The following ARPP21 variants were observed in gnomAD, a reference collection of about 807,000 sequenced individuals.
ARPP21 encodes the protein cAMP-regulated phosphoprotein 21.
Under a neutral mutation model 113.2 loss-of-function variants are expected in ARPP21, and 69 were observed. The observed-to-expected ratio is 0.61, with a 90% CI of 0.50 to 0.74. The LOEUF is 0.74. Among genes scored for constraint, ARPP21 ranks in the 30% least tolerant of loss-of-function variants. The pLI is 0.00. For missense variants in ARPP21, 1,070 were observed against 1,037.4 expected (o/e 1.03, Z -0.43); for synonymous variants, 368 against 375.5 (o/e 0.98, Z 0.23).
intron 11 of ARPP21, among the ~76,000 whole-genome samples, chr3:35,714,147 G>T (rs1378110573): frequency 6.6e-6 from 1 of 152,042 alleles, no homozygotes; most frequent in Non-Finnish European, 1.5e-5. Context: ...TCTTTTAATT[G>T]TCTCTCTTTG....
intron 15 of ARPP21, among the ~76,000 whole-genome samples, chr3:35,734,176 T>G (rs1308475989): frequency 6.6e-6 from 1 of 152,206 alleles, no homozygotes; most frequent in Admixed American, 6.5e-5. Flanking sequence ...CCTGTCTCTC[T>G]GATTTTTTAA....
At chr3:35,773,030 T>A (rs1039925435) in intron 19 of ARPP21, among the ~76,000 whole-genome samples, 1 of 152,314 alleles carries the variant, frequency 6.6e-6, no homozygotes, top group South Asian at 2.1e-4. Flanking sequence ...GTTTTGGCCA[T>A]ATCTTGAGCA....
At position 35,721,737 on chromosome 3, in the gene ARPP21, C is replaced by T. The variant is rs748720293; in HGVS notation, c.1128C>T (p.Pro376=). 8.0e-5 allele frequency: 129 copies of T among 1,613,746 alleles called. No individual in the cohort carries two copies. Among genetic ancestry groups the T allele is most frequent in the East Asian group, 3.1e-4 (14 of 44,866 alleles). Residue 376 remains proline, a synonymous_variant, in exon 14 of 21, where the codon CCC becomes CCT. Coordinates refer to ENST00000684406, the MANE Select transcript of ARPP21 (RefSeq NM_001385562.1). Reference sequence around the variant, plus strand: ...ACAGTTCCAACCGCAATCTAAAGCCCGCCATGACCAAGACGGCGAGTTTTG... The same window carrying T: ...ACAGTTCCAACCGCAATCTAAAGCCTGCCATGACCAAGACGGCGAGTTTTG... ...DSDSSNRNLK[P]AMTKTASFGG...
intron 19 of ARPP21, among the ~76,000 whole-genome samples, chr3:35,755,058 T>A (rs2095527372): frequency 6.6e-6 from 1 of 151,996 alleles, no homozygotes; most frequent in Admixed American, 6.6e-5. Flanking sequence ...GGAGACAAAC[T>A]AAATAAAAAA....
chr3:35,731,087 T>C (rs1163396630), intron 15 of ARPP21, among the ~76,000 whole-genome samples: 1 of 152,214 alleles, frequency 6.6e-6, no homozygotes, highest in East Asian at 1.9e-4. Context: ...TCACTTTTAA[T>C]TGAGATAGAG....
chr3:35,792,451 G>A lies in ARPP21; in HGVS notation c.2207G>A (p.Ser736Asn), dbSNP rs780524842. 6 of 1,614,004 alleles carry A rather than the reference G, an allele frequency of 3.7e-6. No individual in the cohort carries two copies. Among genetic ancestry groups the A allele is most frequent in the Admixed American group, 1.7e-5 (1 of 60,018 alleles). Reference sequence around the variant, plus strand: ...ATAGGAGTGCAGCAGCCACCTCAGAGTCAGAACGTGATAAATAACCAACAA... The same window carrying A: ...ATAGGAGTGCAGCAGCCACCTCAGAATCAGAACGTGATAAATAACCAACAA... ...GLIGVQQPPQSQNVINNQQGT... is the reference protein window; with the variant it reads ...GLIGVQQPPQNQNVINNQQGT... The change falls in exon 20 of 21, where the codon AGT becomes AAT. Residue 736 changes from serine (S) to asparagine (N), a missense_variant. Physicochemically the swap from Ser to Asn is conservative, Grantham distance 46. Transcript: ENST00000684406.
chr3:35,739,994 T>C (rs1195475902), intron 18 of ARPP21, among the ~76,000 whole-genome samples: 2 of 152,220 alleles, frequency 1.3e-5, no homozygotes, highest in Non-Finnish European at 2.9e-5. Flanking sequence ...TTCTTATCAA[T>C]TCTCAAGCAT....
intron 15 of ARPP21, among the ~76,000 whole-genome samples, chr3:35,730,304 A>G (rs2093866270): frequency 6.6e-6 from 1 of 152,228 alleles, no homozygotes; most frequent in Non-Finnish European, 1.5e-5. Flanking sequence ...GCCAATTTGC[A>G]GGGGAAACTT....
chr3:35,688,164 T>C (rs1219989504), intron 6 of ARPP21, among the ~76,000 whole-genome samples: 1 of 151,550 alleles, frequency 6.6e-6, no homozygotes, highest in Non-Finnish European at 1.5e-5. Flanking sequence ...AAGGAATAAA[T>C]ATAAATCTGC....
chr3:35,760,449 G>A (rs988412786), intron 19 of ARPP21, among the ~76,000 whole-genome samples: 6 of 152,044 alleles, frequency 3.9e-5, no homozygotes, highest in South Asian at 2.1e-4. Context: ...TGGGGGATGC[G>A]AGATTCTCCA....
intron 19 of ARPP21, among the ~76,000 whole-genome samples, chr3:35,760,559 G>T (rs1473630086): frequency 6.6e-6 from 1 of 151,966 alleles, no homozygotes; most frequent in Non-Finnish European, 1.5e-5. Context: ...AAAATCCGCT[G>T]GGAGTTTGAT....
At chr3:35,746,281 G>T (rs1244368972) in intron 19 of ARPP21, among the ~76,000 whole-genome samples, 1 of 152,128 alleles carries the variant, frequency 6.6e-6, no homozygotes, top group Non-Finnish European at 1.5e-5. Flanking sequence ...CAAGTAACCA[G>T]ACCACACAGT....
At chr3:35,762,392 A>G (rs913882865) in intron 19 of ARPP21, among the ~76,000 whole-genome samples, 1 of 152,134 alleles carries the variant, frequency 6.6e-6, no homozygotes. Context: ...CTTTCTACAT[A>G]GAATCAATAA....
At chr3:35,732,374 A>G (rs1450039444) in intron 15 of ARPP21, among the ~76,000 whole-genome samples, 1 of 152,224 alleles carries the variant, frequency 6.6e-6, no homozygotes, top group Non-Finnish European at 1.5e-5. Flanking sequence ...CCTCAGACTC[A>G]GCTTTCAACA....
At chr3:35,784,084 G>A (rs1451138239) in intron 19 of ARPP21, among the ~76,000 whole-genome samples, 1 of 152,098 alleles carries the variant, frequency 6.6e-6, no homozygotes, top group Non-Finnish European at 1.5e-5. Flanking sequence ...CAAGTGTACT[G>A]CAAGATTCTG....
At chr3:35,777,233 A>G (rs2096398874) in intron 19 of ARPP21, among the ~76,000 whole-genome samples, 1 of 152,204 alleles carries the variant, frequency 6.6e-6, no homozygotes, top group Non-Finnish European at 1.5e-5. Flanking sequence ...ACTGAGCACC[A>G]TTTAGTGGAA....
upstream of ARPP21, chr3:35,639,001 C>T (rs1697399812): frequency 6.6e-6 from 1 of 152,186 alleles, no homozygotes; most frequent in African/African-American, 2.4e-5. The surrounding 1 kb of genome is among the most constrained non-coding windows in gnomAD (Gnocchi z 5.0). Flanking sequence ...CGTCAAGAGT[C>T]CCCAGGAGTC....
intron 1 of ARPP21, among the ~76,000 whole-genome samples, chr3:35,644,761 T>C (rs1315187898): frequency 1.3e-5 from 2 of 151,942 alleles, no homozygotes; most frequent in East Asian, 3.9e-4. Flanking sequence ...ATGCTCCTGT[T>C]TTTTAGTCAC....
chr3:35,748,084 A>G (rs2095213431), intron 19 of ARPP21, among the ~76,000 whole-genome samples: 7 of 128,788 alleles, frequency 5.4e-5, no homozygotes, highest in African/African-American at 2.2e-4. Context: ...GAAAGAAAGA[A>G]AGAAAGAAAG....
Sources: allele counts gnomAD v4.1 joint callset (sites outside exome capture counted in the v4.1 genomes callset), GRCh38; gene constraint gnomAD v4.1.1; non-coding constraint Gnocchi (gnomAD v3.1); transcripts MANE v1.5; gene names NCBI Gene and HGNC (gene_info 2026-07-23, HGNC 2026-07-21).